The following AATF variants were observed in gnomAD, a reference collection of about 807,000 sequenced individuals.
AATF encodes protein AATF.
Under a neutral mutation model 63.7 loss-of-function variants are expected in AATF, and 48 were observed. That is an observed-to-expected ratio of 0.75 (90% CI 0.60 to 0.96). The LOEUF (loss-of-function observed/expected upper bound fraction) is 0.96. Among genes scored for constraint, AATF ranks in the 40% least tolerant of loss-of-function variants. The probability of loss-of-function intolerance (pLI) is 0.00; values close to 1 mark genes in which losing one functional copy is unlikely to be tolerated. For missense variants in AATF, 639 were observed against 685.7 expected (o/e 0.93, Z 0.76); for synonymous variants, 258 against 247.7 (o/e 1.04, Z -0.39).
chr17:37,031,524 G>A (rs2071551710), intron 10 of AATF, 90 bp from the exon 11 acceptor site: 6 of 1,060,372 alleles, frequency 5.7e-6, no homozygotes, highest in Non-Finnish European at 8.9e-6. Context: ...CCAGTGATCA[G>A]TTCTGGAGTT....
chr17:36,989,550 A>C (rs1451968206), intron 7 of AATF, 139 bp downstream of exon 7: 1 of 882,960 alleles, frequency 1.1e-6, no homozygotes, highest in African/African-American at 1.7e-5. Flanking sequence ...TGGATTACTG[A>C]GAGAAACTTG....
intron 8 of AATF, among the ~76,000 whole-genome samples, chr17:36,992,060 G>A (rs540835408): frequency 5.3e-5 from 8 of 152,184 alleles, no homozygotes; most frequent in East Asian, 1.9e-4. Context: ...AGTAATTTGC[G>A]ACTGCTTGTT....
Position 37,026,794 on chromosome 17 carries a change from A to G in AATF, c.1548-4820A>G, listed in dbSNP as rs556944578. Reference sequence around the variant, plus strand: ...TTGTTTCACTGGCAGGACCAACCCTATACAGGCACCAGAATGACATCTTGG... The same window carrying G: ...TTGTTTCACTGGCAGGACCAACCCTGTACAGGCACCAGAATGACATCTTGG... On this transcript the variant is annotated intron_variant, in intron 10 of 11. Coordinates refer to ENST00000619387, the MANE Select transcript of AATF (RefSeq NM_012138.4). 3.3e-5 allele frequency among the ~76,000 whole-genome samples: 5 copies of G among 152,334 alleles called. No individual in the cohort carries two copies. In the South Asian group the frequency reaches 8.3e-4, roughly 25 times the overall value.
intron 4 of AATF, among the ~76,000 whole-genome samples, chr17:36,982,724 A>G (rs1249820062): frequency 6.6e-6 from 1 of 152,090 alleles, no homozygotes; most frequent in East Asian, 1.9e-4. Context: ...AAAGCTTATC[A>G]TTTTAAGTGG....
chr17:37,022,726 T>G (rs2071482062), intron 10 of AATF, among the ~76,000 whole-genome samples: 1 of 152,176 alleles, frequency 6.6e-6, no homozygotes, highest in Non-Finnish European at 1.5e-5. Flanking sequence ...TATATCAGCC[T>G]TGAATGGTTG....
chr17:36,993,778 T>C (rs1429666948), intron 8 of AATF, among the ~76,000 whole-genome samples: 2 of 152,166 alleles, frequency 1.3e-5, no homozygotes, highest in Non-Finnish European at 2.9e-5. Flanking sequence ...TATAGCCACA[T>C]TGAATTTTAA....
At chr17:36,968,958 A>G (rs937746805) in intron 4 of AATF, among the ~76,000 whole-genome samples, 6 of 152,108 alleles carry the variant, frequency 3.9e-5, no homozygotes, top group Admixed American at 2.6e-4. Flanking sequence ...CTTCCTGCAT[A>G]GTCTGTTTCC....
At chr17:36,954,026 T>C in intron 4 of AATF, 119 bp downstream of exon 4, 2 of 1,051,426 alleles carry the variant, frequency 1.9e-6, no homozygotes, top group Admixed American at 2.9e-5. Flanking sequence ...TCATCTGCCC[T>C]TGCTCTCCCC....
chr17:37,007,909 G>A (rs993511048), intron 8 of AATF, among the ~76,000 whole-genome samples: 7 of 152,124 alleles, frequency 4.6e-5, no homozygotes, highest in African/African-American at 1.7e-4. Context: ...TAAAGGAGAG[G>A]ATGACTTCTG....
chr17:36,979,144 A>G (rs2071101793), intron 4 of AATF, among the ~76,000 whole-genome samples: 1 of 152,036 alleles, frequency 6.6e-6, no homozygotes, highest in Admixed American at 6.6e-5. Context: ...CCTCATTTGC[A>G]TATTTATTGC....
intron 8 of AATF, among the ~76,000 whole-genome samples, chr17:37,007,482 G>A (rs1374864414): frequency 6.6e-6 from 1 of 150,382 alleles, no homozygotes; most frequent in Admixed American, 6.7e-5. Context: ...GTGATTACAG[G>A]CATCAGCCAC....
At chr17:37,056,337 C>T (rs2071797673) in intron 11 of AATF, 1 of 459,868 alleles carries the variant, frequency 2.2e-6, no homozygotes, top group South Asian at 3.7e-5. Flanking sequence ...CTTGAAGAGC[C>T]TGTCTGCAAA....
At chr17:36,983,557 G>A (rs908880375) in intron 4 of AATF, among the ~76,000 whole-genome samples, 1 of 151,660 alleles carries the variant, frequency 6.6e-6, no homozygotes, top group African/African-American at 2.4e-5. Context: ...CACCATGTTG[G>A]CCAGGCAGGT....
intron 4 of AATF, among the ~76,000 whole-genome samples, chr17:36,972,943 C>T (rs921275126): frequency 7.2e-5 from 11 of 152,100 alleles, no homozygotes; most frequent in Non-Finnish European, 1.6e-4. Flanking sequence ...ATAATCAATG[C>T]AAGTCAGAAC....
At position 36,953,003 on chromosome 17, in the gene AATF, G is replaced by GGGAGAGCAA; in HGVS notation, c.403_411dup (p.Glu135_Lys137dup). ...GAGGAACAGGAGTGTGGTGATCACAGGGAGAGCAAGAAGAGCAGAAGCCAC... is the reference window on the plus strand; with the variant it reads ...GAGGAACAGGAGTGTGGTGATCACAGGGAGAGCAAGGAGAGCAAGAAGAGCAGAAGCCAC... On this transcript the variant is annotated inframe_insertion, in exon 3 of 12. Coordinates refer to ENST00000619387, the MANE Select transcript of AATF (RefSeq NM_012138.4). 6.2e-7 allele frequency: 1 copy of GGGAGAGCAA among 1,614,192 alleles called. No homozygotes were observed. Among genetic ancestry groups the GGGAGAGCAA allele is most frequent in the Non-Finnish European group, 8.5e-7 (1 of 1,180,044 alleles).
intron 4 of AATF, chr17:36,980,167 A>G (rs541233974): frequency 2.0e-5 from 3 of 152,332 alleles, no homozygotes; most frequent in Middle Eastern, 6.8e-3. Context: ...TTGAGACTCA[A>G]AGAGATTAAA....
intron 4 of AATF, among the ~76,000 whole-genome samples, chr17:36,985,288 G>T (rs117028362): frequency 3.3e-5 from 5 of 151,674 alleles, no homozygotes; most frequent in Non-Finnish European, 2.9e-5. Flanking sequence ...TTGGAGACAG[G>T]GTCTCACCTT....
At chr17:37,041,889 T>C (rs2071643446) in intron 11 of AATF, among the ~76,000 whole-genome samples, 1 of 152,248 alleles carries the variant, frequency 6.6e-6, no homozygotes, top group Non-Finnish European at 1.5e-5. Context: ...TGACACCTTA[T>C]TGAGGACATA....
chr17:36,980,898 C>CTT lies in AATF; in HGVS notation c.833-5702_833-5701dup, dbSNP rs1234706804. ...CACTGGTGACATTTACTTTGATAAA[C>CTT]TTTTTTTTTTTTTTTTTTGGTGGTT... On this transcript the variant is annotated intron_variant, in intron 4 of 11. Transcript: ENST00000619387. Among the ~76,000 whole-genome samples, 291 of 132,924 alleles carry CTT rather than the reference C, an allele frequency of 2.2e-3. 4 individuals carry two copies. The highest frequency in any genetic ancestry group is 6.6e-3 in the African/African-American group (237 of 36,132). The allele number at this position is 132,924 out of a possible 152,430, so 87.2% of individuals were successfully genotyped here. A position where few individuals can be genotyped will look rare whatever the true frequency, so the allele number is the denominator to read the frequency against.
Sources: gnomAD v4.1 joint callset for allele counts (sites outside exome capture counted in the v4.1 genomes callset) on GRCh38, gnomAD v4.1.1 for gene constraint, MANE v1.5 for transcripts, NCBI Gene and HGNC (gene_info 2026-07-23, HGNC 2026-07-21) for gene names.